The following NRG3 variants were observed in gnomAD, a reference collection of about 807,000 sequenced individuals.
NRG3 encodes the protein pro-neuregulin-3, membrane-bound isoform.
In NRG3, 31 loss-of-function variants were observed where a neutral mutation model predicts 66.9. That is an observed-to-expected ratio of 0.46 (90% CI 0.35 to 0.63). The LOEUF (loss-of-function observed/expected upper bound fraction) is 0.63, where lower values mean the gene tolerates loss of function less well. Among genes scored for constraint, NRG3 ranks in the 20% least tolerant of loss-of-function variants. NRG3 has a pLI of 0.00. For missense variants in NRG3, 910 were observed against 878.9 expected (o/e 1.04, Z -0.45); for synonymous variants, 393 against 359.4 (o/e 1.09, Z -1.06).
intron 1 of NRG3, among the ~76,000 whole-genome samples, chr10:82,286,670 C>A (rs1365429777): frequency 6.6e-6 from 1 of 152,146 alleles, no homozygotes; most frequent in Non-Finnish European, 1.5e-5. Context: ...TCACTGCAAC[C>A]TCTGCTTCCC....
chr10:82,610,589 G>A (rs947567255), intron 2 of NRG3, among the ~76,000 whole-genome samples: 9 of 152,098 alleles, frequency 5.9e-5, no homozygotes, highest in Non-Finnish European at 8.8e-5. Context: ...GGCTAAGAGT[G>A]AAGAATTCCA....
Position 81,875,408 on chromosome 10 carries a change from A to G in NRG3, c.68A>G (p.Glu23Gly). 2.0e-6 allele frequency: 2 copies of G among 1,023,820 alleles called. No homozygotes were observed. Among genetic ancestry groups the G allele is most frequent in the East Asian group, 9.5e-5 (1 of 10,496 alleles). 63.4% of individuals were successfully genotyped at this position (1,023,820 alleles called of 1,614,324 possible). The change falls in exon 1 of 9, where the codon GAG becomes GGG. Residue 23 changes from glutamate to glycine, a missense_variant. Physicochemically the swap from Glu to Gly is moderately conservative, Grantham distance 98. Coordinates refer to ENST00000372141, the MANE Select transcript of NRG3 (RefSeq NM_001010848.4). The surrounding 1 kb of genome is among the most constrained non-coding windows in gnomAD (Gnocchi z 5.3). The part of the protein sequence containing the change: ...AASAAAASAE[E>G]GTAAAAAAAA... Reference sequence around the variant, plus strand: ...TCGGCAGCCGCCGCCTCGGCCGAGGAGGGCACCGCGGCGGCTGCGGCGGCG... The same window carrying G: ...TCGGCAGCCGCCGCCTCGGCCGAGGGGGGCACCGCGGCGGCTGCGGCGGCG...
At chr10:82,001,443 C>T (rs1473904237) in intron 1 of NRG3, among the ~76,000 whole-genome samples, 4 of 151,592 alleles carry the variant, frequency 2.6e-5, no homozygotes, top group African/African-American at 7.3e-5. Context: ...GCAGAGGCTG[C>T]AGTGAGCTGA....
At chr10:81,890,950 T>C (rs1039715227) in intron 1 of NRG3, among the ~76,000 whole-genome samples, 2 of 152,192 alleles carry the variant, frequency 1.3e-5, no homozygotes, top group African/African-American at 2.4e-5. Flanking sequence ...AAATCATCTG[T>C]TCCCCCTAGT....
intron 2 of NRG3, among the ~76,000 whole-genome samples, chr10:82,669,286 A>AATC (rs1389021589): frequency 1.4e-5 from 2 of 140,940 alleles, no homozygotes; most frequent in Admixed American, 7.1e-5. Context: ...TAATAATAAT[A>AATC]ATCAGAAATA....
At chr10:82,868,916 T>C (rs1362738431) in intron 4 of NRG3, among the ~76,000 whole-genome samples, 1 of 152,138 alleles carries the variant, frequency 6.6e-6, no homozygotes, top group African/African-American at 2.4e-5. Context: ...GTTCTCTAAC[T>C]CCTGACCTCA....
chr10:81,875,872 A>G lies in NRG3; in HGVS notation c.532A>G (p.Ser178Gly). 6.2e-7 allele frequency: 1 copy of G among 1,610,986 alleles called. No homozygotes were observed. The highest frequency in any genetic ancestry group is 8.5e-7 in the Non-Finnish European group (1 of 1,179,770). ...CGGGCACCGGGTGCCCATCCGGGCC[A>G]GCCCGCGCTCCACCACAGCACGGAA... is the stretch of plus-strand genomic sequence containing the variant. ...FPGHRVPIRA[S>G]PRSTTARNTA... Residue 178 changes from serine to glycine, a missense_variant, in exon 1 of 9, where the codon AGC becomes GGC. Ser to Gly is a moderately conservative substitution (Grantham distance 56). Coordinates refer to ENST00000372141, the MANE Select transcript of NRG3 (RefSeq NM_001010848.4). This position sits in a 1 kb window ranked among gnomAD's most constrained non-coding sequence, Gnocchi z 5.3.
chr10:81,994,632 A>G (rs1255107062), intron 1 of NRG3, among the ~76,000 whole-genome samples: 2 of 152,006 alleles, frequency 1.3e-5, no homozygotes, highest in East Asian at 1.9e-4. Context: ...GCTCCTATAC[A>G]TTGTCAAGTG....
intron 3 of NRG3, among the ~76,000 whole-genome samples, chr10:82,780,489 T>C (rs1289759689): frequency 6.7e-6 from 1 of 150,120 alleles, no homozygotes; most frequent in Non-Finnish European, 1.5e-5. Flanking sequence ...TCTTTTTTTT[T>C]TTTTTTTTGG....
At chr10:81,961,164 A>G (rs929721033) in intron 1 of NRG3, among the ~76,000 whole-genome samples, 7 of 152,212 alleles carry the variant, frequency 4.6e-5, no homozygotes, top group African/African-American at 1.7e-4. Context: ...TTATCTATAT[A>G]TGAATTAACA....
chr10:81,947,038 G>T (rs1003526166), intron 1 of NRG3, among the ~76,000 whole-genome samples: 18 of 152,138 alleles, frequency 1.2e-4, no homozygotes, highest in African/African-American at 4.3e-4. Flanking sequence ...TGGAGTCCAG[G>T]CAGGGTATCA....
intron 1 of NRG3, among the ~76,000 whole-genome samples, chr10:82,341,458 A>G (rs927430154): frequency 1.3e-5 from 2 of 152,100 alleles, no homozygotes; most frequent in South Asian, 4.1e-4. Context: ...AATGAAAATG[A>G]TATTTATATT....
chr10:82,664,004 ATGGT>A (rs2052568009), intron 2 of NRG3, among the ~76,000 whole-genome samples: 1 of 152,228 alleles, frequency 6.6e-6, no homozygotes, highest in African/African-American at 2.4e-5. Context: ...ATGCTGACCC[ATGGT>A]ATGTCTACTC....
At position 82,210,706 on chromosome 10, in the gene NRG3, C is replaced by T. The variant is rs577650566; in HGVS notation, c.824-148033C>T. Among the ~76,000 whole-genome samples the T allele has an allele frequency of 7.4e-4, 113 of 152,182 alleles. 1 individual carries two copies. Among genetic ancestry groups the T allele is most frequent in the African/African-American group, 2.6e-3 (108 of 41,516 alleles). ...GGGAGAAAACACCCTAAATCAACAC[C>T]ATATCAAATTGACAAACTGTTTAAG... On this transcript the variant is annotated intron_variant, in intron 1 of 8. Coordinates refer to ENST00000372141, the MANE Select transcript of NRG3 (RefSeq NM_001010848.4).
intron 2 of NRG3, among the ~76,000 whole-genome samples, chr10:82,510,964 A>G (rs906969237): frequency 1.3e-5 from 2 of 152,336 alleles, no homozygotes; most frequent in African/African-American, 4.8e-5. Flanking sequence ...AGAAATATTT[A>G]TTACATGAGT....
intron 3 of NRG3, among the ~76,000 whole-genome samples, chr10:82,812,984 A>G (rs962944766): frequency 6.6e-6 from 1 of 152,198 alleles, no homozygotes; most frequent in African/African-American, 2.4e-5. Context: ...TTACATCTTG[A>G]CATGTTGTCC....
chr10:82,853,198 C>T (rs796397431), intron 3 of NRG3, among the ~76,000 whole-genome samples: 8 of 152,176 alleles, frequency 5.3e-5, no homozygotes, highest in Non-Finnish European at 1.0e-4. Context: ...AAAATTATGG[C>T]GCCAAAGATG....
At chr10:82,301,686 C>CTCTA (rs1554879003) in intron 1 of NRG3, among the ~76,000 whole-genome samples, 1 of 137,700 alleles carries the variant, frequency 7.3e-6, no homozygotes, top group African/African-American at 2.6e-5. Context: ...ACATATATTC[C>CTCTA]TATATATATA....
At chr10:82,620,814 A>T (rs1417325187) in intron 2 of NRG3, among the ~76,000 whole-genome samples, 1 of 152,014 alleles carries the variant, frequency 6.6e-6, no homozygotes, top group Non-Finnish European at 1.5e-5. Context: ...TGCCTCTATC[A>T]TTAACACAAC....
Sources: gnomAD v4.1 joint callset for allele counts (sites outside exome capture counted in the v4.1 genomes callset) on GRCh38, gnomAD v4.1.1 for gene constraint, Gnocchi (gnomAD v3.1) non-coding constraint, MANE v1.5 for transcripts, NCBI Gene and HGNC (gene_info 2026-07-23, HGNC 2026-07-21) for gene names.